The following TNFSF4 variants were observed in gnomAD, a reference collection of about 807,000 sequenced individuals.
TNFSF4 encodes the protein tumor necrosis factor ligand superfamily member 4.
A neutral mutation model predicts 7.3 loss-of-function variants in TNFSF4; 4 were observed. That is an observed-to-expected ratio of 0.55 (90% CI 0.27 to 1.25). The LOEUF (loss-of-function observed/expected upper bound fraction) is 1.25, where lower values mean the gene tolerates loss of function less well. TNFSF4 is among the 50% of genes most tolerant of loss of function. TNFSF4 has a pLI of 0.12. For synonymous variants in TNFSF4, 76 were observed against 83.7 expected (o/e 0.91, Z 0.50); for missense variants, 181 against 208.8 (o/e 0.87, Z 0.82).
chr1:173,361,372 G>A, the TNFSF4 span, among the ~76,000 whole-genome samples: 2 of 152,112 alleles, frequency 1.3e-5, no homozygotes, highest in African/African-American at 4.8e-5. Context: ...CTTATAGGTG[G>A]GAGGATCATC....
At chr1:173,242,870 A>C in the TNFSF4 span, among the ~76,000 whole-genome samples, 1 of 152,124 alleles carries the variant, frequency 6.6e-6, no homozygotes, top group Non-Finnish European at 1.5e-5. Flanking sequence ...ACAAAACTGT[A>C]AAATAATAAA....
chr1:173,317,200 T>C, the TNFSF4 span, among the ~76,000 whole-genome samples: 1 of 152,222 alleles, frequency 6.6e-6, no homozygotes, highest in Non-Finnish European at 1.5e-5. Context: ...GCCTAGACTT[T>C]AGCCATCTCC....
intron 1 of TNFSF4, among the ~76,000 whole-genome samples, chr1:173,193,431 T>C (rs574000946): frequency 2.6e-5 from 4 of 152,196 alleles, no homozygotes; most frequent in South Asian, 2.1e-4. Context: ...CTTAGAAGCA[T>C]GAAAAAAATG....
chr1:173,243,018 G>GGGGGA, the TNFSF4 span, among the ~76,000 whole-genome samples: 3 of 71,116 alleles, frequency 4.2e-5, no homozygotes, highest in Admixed American at 1.5e-4. Flanking sequence ...GGGGGGGGGG[G>GGGGGA]AGCACAAAAA....
chr1:173,434,518 T>G, the TNFSF4 span, among the ~76,000 whole-genome samples: 2 of 151,958 alleles, frequency 1.3e-5, no homozygotes, highest in Non-Finnish European at 2.9e-5. Context: ...TGGAGTAGAG[T>G]GAACAATGGG....
At chr1:173,233,464 G>A in the TNFSF4 span, among the ~76,000 whole-genome samples, 50 of 151,806 alleles carry the variant, frequency 3.3e-4, no homozygotes, top group African/African-American at 1.1e-3. Flanking sequence ...ATTCAAATTC[G>A]GGAAATACAG....
chr1:173,229,751 A>C, the TNFSF4 span, among the ~76,000 whole-genome samples: 1 of 143,128 alleles, frequency 7.0e-6, no homozygotes, highest in African/African-American at 2.5e-5. Context: ...TACCAAGCAA[A>C]TGGAAAACAA....
At chr1:173,267,257 C>G in the TNFSF4 span, among the ~76,000 whole-genome samples, 7 of 152,074 alleles carry the variant, frequency 4.6e-5, no homozygotes, top group Non-Finnish European at 1.5e-5. Flanking sequence ...AATTATGAGC[C>G]CCAACATACC....
chr1:173,420,390 A>G, the TNFSF4 span, among the ~76,000 whole-genome samples: 1 of 152,182 alleles, frequency 6.6e-6, no homozygotes, highest in African/African-American at 2.4e-5. Flanking sequence ...GAGATTGAGA[A>G]CTGAGGGAAA....
At chr1:173,446,725 C>T in the TNFSF4 span, among the ~76,000 whole-genome samples, 1 of 152,210 alleles carries the variant, frequency 6.6e-6, no homozygotes, top group South Asian at 2.1e-4. Context: ...CTGCTGGATG[C>T]TTCATGCCCT....
chr1:173,184,372 G>A lies in TNFSF4; in HGVS notation c.*2144C>T, dbSNP rs1649135774. On this transcript the variant is annotated 3_prime_UTR_variant, in exon 3 of 3. Transcript: ENST00000281834. ...GAGACACACACACATATTTTTGATG[G>A]AAGGAAGGTGGAGTGAGGCTGGTGC... 6.6e-6 allele frequency: 1 copy of A among 152,178 alleles called. No individual in the cohort carries two copies. The highest frequency in any genetic ancestry group is 2.4e-5 in the African/African-American group (1 of 41,424). 9.4% of individuals were successfully genotyped at this position (152,178 alleles called of 1,614,324 possible).
chr1:173,263,473 C>T, the TNFSF4 span, among the ~76,000 whole-genome samples: 1 of 152,172 alleles, frequency 6.6e-6, no homozygotes, highest in Admixed American at 6.5e-5. Flanking sequence ...ATATTCATCA[C>T]TCACAACTCA....
the TNFSF4 span, among the ~76,000 whole-genome samples, chr1:173,409,779 C>T: frequency 0.28 from 42,640 of 151,924 alleles, 7,460 homozygotes; most frequent in African/African-American, 0.47. Context: ...AGTGGTTACG[C>T]TGGCAGGAGG....
chr1:173,252,380 C>T, the TNFSF4 span, among the ~76,000 whole-genome samples: 39 of 152,156 alleles, frequency 2.6e-4, no homozygotes, highest in Non-Finnish European at 5.9e-5. Flanking sequence ...CAAATCTAAT[C>T]AGAGATGTGA....
the TNFSF4 span, among the ~76,000 whole-genome samples, chr1:173,319,459 G>A: frequency 6.6e-6 from 1 of 152,218 alleles, no homozygotes; most frequent in African/African-American, 2.4e-5. Context: ...GAAGAGAGCA[G>A]CTGATCCTGA....
chr1:173,181,045 A>G (rs2101975125), downstream of TNFSF4, among the ~76,000 whole-genome samples: 1 of 152,344 alleles, frequency 6.6e-6, no homozygotes, highest in East Asian at 1.9e-4. Context: ...TTAAAAGGCC[A>G]TGTTGCCTTA....
the TNFSF4 span, among the ~76,000 whole-genome samples, chr1:173,248,427 GAGAA>G: frequency 4.8e-5 from 7 of 147,310 alleles, no homozygotes; most frequent in East Asian, 2.0e-4. Context: ...AGGAAAGAGG[GAGAA>G]AGAAAGAGAG....
At chr1:173,376,897 A>C in the TNFSF4 span, among the ~76,000 whole-genome samples, 1 of 152,164 alleles carries the variant, frequency 6.6e-6, no homozygotes, top group African/African-American at 2.4e-5. Flanking sequence ...TCCTGAAGTC[A>C]GTGAGACCAC....
At chr1:173,383,848 T>G in the TNFSF4 span, among the ~76,000 whole-genome samples, 133 of 152,274 alleles carry the variant, frequency 8.7e-4, no homozygotes, top group Non-Finnish European at 1.6e-3. Flanking sequence ...GAACTGAGTT[T>G]CCAACCGTAT....
Sources: allele counts gnomAD v4.1 joint callset (sites outside exome capture counted in the v4.1 genomes callset), GRCh38; gene constraint gnomAD v4.1.1; transcripts MANE v1.5; gene names NCBI Gene and HGNC (gene_info 2026-07-23, HGNC 2026-07-21).